ANXA8: variants seen among roughly 807,000 people sequenced by gnomAD.
ANXA8 encodes VAC-beta.
Under a neutral mutation model 26.8 loss-of-function variants are expected in ANXA8, and 9 were observed. That is an observed-to-expected ratio of 0.34 (90% CI 0.20 to 0.59). The LOEUF (loss-of-function observed/expected upper bound fraction) is 0.59, where lower values mean the gene tolerates loss of function less well. Ranked by LOEUF, ANXA8 falls within the 20% of genes least tolerant of loss-of-function variation. ANXA8 has a pLI of 0.84. For synonymous variants in ANXA8, 39 were observed against 94.8 expected (o/e 0.41, Z 3.42); for missense variants, 83 against 238.5 (o/e 0.35, Z 4.29).
At chr10:47,651,106 G>A in the ANXA8 span, among the ~76,000 whole-genome samples, 1 of 151,330 alleles carries the variant, frequency 6.6e-6, no homozygotes, top group Admixed American at 6.6e-5. Flanking sequence ...AGCTGAGGTG[G>A]GAGGATCTGC....
At chr10:47,667,841 C>A in the ANXA8 span, among the ~76,000 whole-genome samples, 1 of 151,992 alleles carries the variant, frequency 6.6e-6, no homozygotes, top group Admixed American at 6.6e-5. Flanking sequence ...GGGTTCAAGC[C>A]ATTCTCATGC....
chr10:47,708,892 T>A, the ANXA8 span, among the ~76,000 whole-genome samples: 1 of 150,086 alleles, frequency 6.7e-6, no homozygotes, highest in Non-Finnish European at 1.5e-5. Context: ...TAATTTGATG[T>A]CAGAGATGTT....
the ANXA8 span, among the ~76,000 whole-genome samples, chr10:47,659,998 C>A: frequency 6.7e-6 from 1 of 148,938 alleles, no homozygotes; most frequent in African/African-American, 2.5e-5. Flanking sequence ...CTTAAGCTAT[C>A]CACCAGCCTC....
the ANXA8 span, among the ~76,000 whole-genome samples, chr10:47,714,281 C>T: frequency 2.1e-5 from 3 of 140,558 alleles, 1 homozygote; most frequent in East Asian, 9.4e-4. Context: ...TTAGTTCTAG[C>T]TAGTGATGTT....
At chr10:47,580,162 C>T in the ANXA8 span, among the ~76,000 whole-genome samples, 1 of 151,654 alleles carries the variant, frequency 6.6e-6, no homozygotes, top group Non-Finnish European at 1.5e-5. Context: ...TCAAGCAATT[C>T]ACCCACCTCA....
the ANXA8 span, among the ~76,000 whole-genome samples, chr10:47,637,536 C>T: frequency 1.4e-5 from 2 of 141,128 alleles, no homozygotes; most frequent in Non-Finnish European, 3.0e-5. Context: ...ATCTGGAAGC[C>T]ACAACAGAAG....
At chr10:47,750,782 C>T in the ANXA8 span, 1 of 151,130 alleles carries the variant, frequency 6.6e-6, no homozygotes, top group Non-Finnish European at 1.5e-5. Flanking sequence ...CATGCTCCCT[C>T]TAATAAATCT....
At chr10:47,599,519 A>G in the ANXA8 span, 1 of 148,004 alleles carries the variant, frequency 6.8e-6, no homozygotes, top group Admixed American at 6.7e-5. Context: ...AAAACATTTA[A>G]GCAATATTCC....
the ANXA8 span, chr10:47,581,542 T>G: frequency 1.9e-6 from 1 of 518,944 alleles, no homozygotes; most frequent in South Asian, 1.5e-5. Flanking sequence ...GTCATCTTCA[T>G]GTTCTCTCAC....
At chr10:47,955,323 C>A in the ANXA8 span, among the ~76,000 whole-genome samples, 1 of 150,414 alleles carries the variant, frequency 6.6e-6, no homozygotes, top group Non-Finnish European at 1.5e-5. Context: ...TCTCTATCAG[C>A]AGCTTGAAAA....
the ANXA8 span, among the ~76,000 whole-genome samples, chr10:47,697,350 A>G: frequency 2.0e-5 from 3 of 152,154 alleles, no homozygotes; most frequent in Non-Finnish European, 4.4e-5. Context: ...TTGAACCTGC[A>G]CATAATGTAG....
At chr10:47,950,816 G>C in the ANXA8 span, among the ~76,000 whole-genome samples, 1 of 150,976 alleles carries the variant, frequency 6.6e-6, no homozygotes, top group African/African-American at 2.4e-5. Context: ...CAAAATTTTT[G>C]TAATGATTAG....
the ANXA8 span, among the ~76,000 whole-genome samples, chr10:47,771,530 A>T: frequency 3.3e-5 from 5 of 151,818 alleles, no homozygotes; most frequent in Admixed American, 6.6e-5. Context: ...CATTCTTTTT[A>T]AAAAATTATT....
the ANXA8 span, among the ~76,000 whole-genome samples, chr10:47,695,256 T>G: frequency 1.1e-3 from 172 of 151,666 alleles, no homozygotes; most frequent in African/African-American, 3.9e-3. Flanking sequence ...ATGCTCTGAT[T>G]AATGACTCAT....
the ANXA8 span, chr10:47,491,748 C>A: frequency 6.5e-7 from 1 of 1,546,452 alleles, no homozygotes; most frequent in Non-Finnish European, 8.7e-7. Context: ...GCCTCTGGTG[C>A]CTATCTAGGC....
the ANXA8 span, among the ~76,000 whole-genome samples, chr10:47,944,376 G>A: frequency 1.0e-3 from 150 of 148,196 alleles, no homozygotes; most frequent in African/African-American, 3.4e-3. Flanking sequence ...GCTGGCTTCC[G>A]GACTCTGCTC....
the ANXA8 span, among the ~76,000 whole-genome samples, chr10:47,627,556 T>C: frequency 6.7e-6 from 1 of 149,872 alleles, no homozygotes; most frequent in African/African-American, 2.5e-5. Flanking sequence ...ACCACTGGCA[T>C]TTATTGGCAC....
the ANXA8 span, among the ~76,000 whole-genome samples, chr10:47,679,798 G>A: frequency 2.0e-5 from 3 of 151,870 alleles, no homozygotes; most frequent in African/African-American, 4.9e-5. Context: ...TGGGCCTGTA[G>A]TCCTGTCTAC....
At chr10:47,909,896 A>C in the ANXA8 span, among the ~76,000 whole-genome samples, 2 of 121,226 alleles carry the variant, frequency 1.6e-5, no homozygotes, top group Non-Finnish European at 3.4e-5. Flanking sequence ...GATGGGGAAT[A>C]GAATAGGGTA....
Sources: allele counts gnomAD v4.1 joint callset (sites outside exome capture counted in the v4.1 genomes callset), GRCh38; gene constraint gnomAD v4.1.1; transcripts MANE v1.5; gene names NCBI Gene and HGNC (gene_info 2026-07-23, HGNC 2026-07-21).